The following NTRK2 variants were observed in gnomAD, a reference collection of about 807,000 sequenced individuals.
NTRK2 encodes neurotrophic receptor tyrosine kinase 2, also known as BDNF/NT-3 growth factors receptor.
Under a neutral mutation model 94.5 loss-of-function variants are expected in NTRK2, and 13 were observed. That is an observed-to-expected ratio of 0.14 (90% CI 0.09 to 0.22). The LOEUF (loss-of-function observed/expected upper bound fraction) is 0.22, where lower values mean the gene tolerates loss of function less well. NTRK2 is among the 10% of genes least tolerant of loss of function. NTRK2 has a pLI of 1.00. For synonymous variants in NTRK2, 372 were observed against 407.4 expected, an observed-to-expected ratio of 0.91 and a Z score of 1.05; for missense variants, 639 against 1,071.2, an observed-to-expected ratio of 0.60 and a Z score of 5.63.
intron 14 of NTRK2, among the ~76,000 whole-genome samples, chr9:84,883,132 C>CTAGA (rs2076313726): frequency 6.6e-6 from 1 of 152,138 alleles, no homozygotes; most frequent in Non-Finnish European, 1.5e-5. Flanking sequence ...ATCTGAGTGG[C>CTAGA]TAGAGGTGAG....
intron 12 of NTRK2, among the ~76,000 whole-genome samples, chr9:84,837,714 GA>G (rs1283816501): frequency 6.6e-6 from 1 of 152,124 alleles, no homozygotes; most frequent in Non-Finnish European, 1.5e-5. Flanking sequence ...AGTCACAAAA[GA>G]AAGTCTATTT....
chr9:84,730,633 G>A (rs1458700365), intron 9 of NTRK2, among the ~76,000 whole-genome samples: 2 of 139,186 alleles, frequency 1.4e-5, no homozygotes, highest in Non-Finnish European at 3.0e-5. Flanking sequence ...CCAGCTACTC[G>A]GGGAGGCTGA....
chr9:84,869,940 A>G (rs1271343237), intron 14 of NTRK2, among the ~76,000 whole-genome samples: 2 of 151,884 alleles, frequency 1.3e-5, no homozygotes, highest in African/African-American at 4.8e-5. Flanking sequence ...GCAGAAATAG[A>G]CTTTGGACAA....
chr9:84,888,573 A>C (rs561936312), intron 14 of NTRK2, among the ~76,000 whole-genome samples: 1 of 129,154 alleles, frequency 7.7e-6, no homozygotes, highest in African/African-American at 2.9e-5. Flanking sequence ...AGATAGCGCC[A>C]CTGCACTCCA....
At chr9:84,870,675 C>T (rs906085436) in intron 14 of NTRK2, among the ~76,000 whole-genome samples, 1 of 151,844 alleles carries the variant, frequency 6.6e-6, no homozygotes, top group African/African-American at 2.4e-5. Flanking sequence ...TTTTAAAGAA[C>T]CTCCAAAGAA....
intron 14 of NTRK2, among the ~76,000 whole-genome samples, chr9:84,920,736 G>A (rs985169152): frequency 2.6e-5 from 4 of 152,094 alleles, no homozygotes; most frequent in African/African-American, 9.7e-5. Context: ...ACCGTTATGG[G>A]TAAGAGGCCA....
intron 12 of NTRK2, among the ~76,000 whole-genome samples, chr9:84,829,678 C>A (rs1335247046): frequency 6.6e-6 from 1 of 152,210 alleles, no homozygotes; most frequent in Non-Finnish European, 1.5e-5. Context: ...AGAATCCCAC[C>A]TGCTCCTCGC....
At chr9:84,926,117 CCTTCCTTCCTTCCTTCCTT>C (rs2077766389) in intron 14 of NTRK2, among the ~76,000 whole-genome samples, 1 of 41,650 alleles carries the variant, frequency 2.4e-5, no homozygotes, top group African/African-American at 7.5e-5. Flanking sequence ...TTCCTTCCTT[CCTTCCTTCCTTCCTTCCTT>C]CCTTCCTTCC....
intron 15 of NTRK2, among the ~76,000 whole-genome samples, chr9:84,940,079 A>T (rs1025696356): frequency 1.2e-4 from 18 of 152,132 alleles, no homozygotes; most frequent in Non-Finnish European, 1.5e-5. Flanking sequence ...GAATATTCTG[A>T]TTATCCAGGC....
chr9:84,693,038 A>G (rs1450906636), intron 2 of NTRK2, among the ~76,000 whole-genome samples: 2 of 152,216 alleles, frequency 1.3e-5, no homozygotes, highest in African/African-American at 4.8e-5. Context: ...CCAGGAGGAG[A>G]TGCTGGTTCA....
intron 12 of NTRK2, among the ~76,000 whole-genome samples, chr9:84,823,871 C>A (rs2073015374): frequency 6.6e-6 from 1 of 152,144 alleles, no homozygotes; most frequent in Non-Finnish European, 1.5e-5. Flanking sequence ...AGACGTGGTT[C>A]CTTTACAACA....
chr9:84,871,282 A>G lies in NTRK2; in HGVS notation c.1633+3851A>G, dbSNP rs559991777. Among the ~76,000 whole-genome samples the G allele has an allele frequency of 3.3e-5, 5 of 152,318 alleles. 1 individual carries two copies. The highest frequency in any genetic ancestry group is 1.2e-4 in the African/African-American group (5 of 41,594). ...GGGCTAGTGAGGGCCATGCTGGAGT[A>G]TGGGCCTGGTATTGACAGATACTAT... On this transcript the variant is annotated intron_variant, in intron 14 of 18. Coordinates refer to ENST00000277120, the MANE Select transcript of NTRK2 (RefSeq NM_006180.6).
intron 6 of NTRK2, 94 bp downstream of exon 6, chr9:84,710,885 G>A: frequency 8.2e-7 from 1 of 1,219,000 alleles, no homozygotes; most frequent in Non-Finnish European, 1.2e-6. Flanking sequence ...TACCTGGATT[G>A]TATATAGTAT....
At chr9:84,953,814 G>T (rs1056232437) in intron 16 of NTRK2, among the ~76,000 whole-genome samples, 14 of 152,214 alleles carry the variant, frequency 9.2e-5, no homozygotes, top group African/African-American at 3.4e-4. Flanking sequence ...GGCTTCCCAG[G>T]ATCATGGCAT....
chr9:84,727,791 T>C lies in NTRK2; in HGVS notation c.991T>C (p.Cys331Arg). The change falls in exon 9 of 19, where the codon TGT becomes CGT. Residue 331 changes from cysteine to arginine, a missense_variant. Around this residue, in one of 5 missense-constraint regions of NTRK2, gnomAD observed 343 missense variants for 571.5 expected, o/e 0.60. Transcript: ENST00000277120. Reference protein sequence around the residue: ...GAILNESKYICTKIHVTNHTE... With the variant: ...GAILNESKYIRTKIHVTNHTE... ...AATATTGAATGAGTCCAAATACATC[T>C]GTACTAAAATACATGTTACCAATCA... is the stretch of plus-strand genomic sequence containing the variant. 1 of 1,614,234 alleles carries C rather than the reference T, an allele frequency of 6.2e-7. No homozygotes were observed. The highest frequency in any genetic ancestry group is 8.5e-7 in the Non-Finnish European group (1 of 1,180,042).
At chr9:84,669,036 TAGAG>T (rs776273440), upstream of NTRK2, among the ~76,000 whole-genome samples, 2 of 152,062 alleles carry the variant, frequency 1.3e-5, no homozygotes, top group African/African-American at 2.4e-5. This position sits in a 1 kb window ranked among gnomAD's most constrained non-coding sequence, Gnocchi z 4.1. Flanking sequence ...AAGACCCACT[TAGAG>T]AGCTAGAATT....
rs991396034 is a variant in NTRK2, at chr9:84,861,059, T to TG, written c.1419dup (p.Lys474GlufsTer17). 1.2e-6 allele frequency: 2 copies of TG among 1,613,518 alleles called. No individual in the cohort carries two copies. The highest frequency in any genetic ancestry group is 2.7e-5 in the African/African-American group (2 of 74,888). On this transcript the variant is annotated frameshift_variant, in exon 13 of 19. Transcript: ENST00000277120. LOFTEE classifies it high-confidence loss of function. ...TTTCAGATTTCTCATGGTTTGGATT[T>TG]GGGAAAGTAAAATCAAGACAAGGTG...
chr9:84,883,943 T>C (rs997631470), intron 14 of NTRK2, among the ~76,000 whole-genome samples: 7 of 152,232 alleles, frequency 4.6e-5, no homozygotes, highest in African/African-American at 1.4e-4. Flanking sequence ...AGAATGTTAG[T>C]TGTATAATTT....
At chr9:84,727,303 G>C (rs1471663822) in intron 8 of NTRK2, among the ~76,000 whole-genome samples, 2 of 152,132 alleles carry the variant, frequency 1.3e-5, no homozygotes, top group African/African-American at 4.8e-5. Context: ...ATAATATCAA[G>C]ATACAGATAT....
Sources: allele counts gnomAD v4.1 joint callset (sites outside exome capture counted in the v4.1 genomes callset), GRCh38; gene constraint gnomAD v4.1.1; regional missense constraint gnomAD v4.1.1; non-coding constraint Gnocchi (gnomAD v3.1); transcripts MANE v1.5; gene names NCBI Gene and HGNC (gene_info 2026-07-23, HGNC 2026-07-21).